Variants in SLC15A3 observed in about 807,000 individuals in gnomAD.
SLC15A3 encodes solute carrier family 15 member 3.
Under a neutral mutation model 49.2 loss-of-function variants are expected in SLC15A3, and 39 were observed. The observed-to-expected ratio is 0.79, with a 90% CI of 0.61 to 1.04. The LOEUF is 1.04. SLC15A3 is among the 50% of genes least tolerant of loss of function. The pLI, the probability that SLC15A3 is intolerant of heterozygous loss-of-function variation, is 0.00. For missense variants in SLC15A3, 758 were observed against 794.8 expected (o/e 0.95, Z 0.56); for synonymous variants, 339 against 367.0 (o/e 0.92, Z 0.87).
At chr11:60,944,666 C>T (rs538355160) in intron 2 of SLC15A3, among the ~76,000 whole-genome samples, 52 of 152,124 alleles carry the variant, frequency 3.4e-4, no homozygotes, top group Non-Finnish European at 4.7e-4. Context: ...CAGAGAGAGA[C>T]GCTGTCACAG....
intron 5 of SLC15A3, chr11:60,940,126 AC>A (rs1227885459): frequency 6.3e-6 from 1 of 159,772 alleles, no homozygotes; most frequent in Admixed American, 5.8e-5. Context: ...AGTGTTTCTA[AC>A]CTGGCTTTCA....
intron 5 of SLC15A3, chr11:60,940,845 AAAAAAG>A (rs1265679007): frequency 2.3e-5 from 7 of 303,650 alleles, no homozygotes; most frequent in African/African-American, 4.3e-5. Flanking sequence ...GCAGTGAATA[AAAAAAG>A]AAAAACTATC....
intron 1 of SLC15A3, 98 bp downstream of exon 1, chr11:60,950,896 A>G (rs929027009): frequency 8.1e-7 from 1 of 1,241,348 alleles, no homozygotes; most frequent in African/African-American, 1.6e-5. Context: ...AAACTAGTGC[A>G]GGCAGGGGAC....
chr11:60,949,564 G>GAAAGAAAGAAAGA (rs1554986438), intron 1 of SLC15A3, among the ~76,000 whole-genome samples: 2,169 of 117,898 alleles, frequency 0.018, 231 homozygotes, highest in East Asian at 0.073. Context: ...AAGAAAGAAA[G>GAAAGAAAGAAAGA]AAAGAAAAGA....
chr11:60,951,287 C>A lies in SLC15A3; in HGVS notation c.265G>T (p.Val89Leu). 6.6e-7 allele frequency: 1 copy of A among 1,519,326 alleles called. No individual in the cohort carries two copies. Among genetic ancestry groups the A allele is most frequent in the Non-Finnish European group, 8.8e-7 (1 of 1,135,872 alleles). 94.1% of individuals were successfully genotyped at this position (1,519,326 alleles called of 1,614,324 possible). A position where few individuals can be genotyped will look rare whatever the true frequency, so the allele number is the denominator to read the frequency against. ...FLGASYLLAP[V>L]GGWLADVYLG... Reference sequence around the variant, plus strand: ...TACACGTCGGCCAGCCAGCCGCCCACGGGCGCCAGCAGGTAGGAGGCGCCC... The same window carrying A: ...TACACGTCGGCCAGCCAGCCGCCCAAGGGCGCCAGCAGGTAGGAGGCGCCC... The change falls in exon 1 of 8, where the codon GTG (valine) becomes TTG (leucine). Residue 89 changes from valine (V) to leucine (L), a missense_variant. By Grantham distance (32) the Val-to-Leu change is conservative (BLOSUM62 1). This residue lies in a region of SLC15A3 where 699 missense variants were observed against 706.7 expected (regional missense o/e 0.99). Coordinates refer to ENST00000227880, the MANE Select transcript of SLC15A3 (RefSeq NM_016582.3).
intron 2 of SLC15A3, among the ~76,000 whole-genome samples, chr11:60,944,142 G>C (rs967280652): frequency 9.2e-5 from 14 of 152,184 alleles, no homozygotes; most frequent in Non-Finnish European, 2.1e-4. Context: ...CTGGGCAACA[G>C]AGCCAGACTC....
chr11:60,941,972 C>G, intron 4 of SLC15A3, 63 bp downstream of exon 4: 1 of 1,492,560 alleles, frequency 6.7e-7, no homozygotes, highest in African/African-American at 1.4e-5. Context: ...TCATTTCCTC[C>G]TCTTCTCAGA....
chr11:60,937,440 G>A lies in SLC15A3; in HGVS notation c.1592-67C>T, dbSNP rs565013074. ...CTCTGTCTTGCGCCCTGTGCCTGCC[G>A]TGTCCTAGCCCTGGGGCTGGCAACT... On this transcript the variant is annotated intron_variant, in intron 7 of 7. Transcript: ENST00000227880. 3.2e-4 allele frequency: 504 copies of A among 1,597,308 alleles called. 1 individual carries two copies. Among genetic ancestry groups the A allele is most frequent in the Non-Finnish European group, 3.9e-4 (452 of 1,168,490 alleles).
At chr11:60,939,783 G>A (rs1218715926) in intron 5 of SLC15A3, 145 bp from the exon 6 acceptor site, 2 of 914,542 alleles carry the variant, frequency 2.2e-6, no homozygotes, top group Admixed American at 2.9e-5. Context: ...TGGACTGGGG[G>A]GTGGAGGAGG....
intron 1 of SLC15A3, among the ~76,000 whole-genome samples, chr11:60,949,561 AAAG>A (rs1353137564): frequency 0.08 from 6,650 of 83,120 alleles, 475 homozygotes; most frequent in East Asian, 0.37. Context: ...AGAAAGAAAG[AAAG>A]AAAGAAAAGA....
intron 6 of SLC15A3, 136 bp downstream of exon 6, chr11:60,939,342 ATG>A (rs1856676544): frequency 9.8e-7 from 1 of 1,023,386 alleles, no homozygotes; most frequent in Non-Finnish European, 1.4e-6. Context: ...CGTTGGGTGA[ATG>A]AGCCCTGGTC....
At chr11:60,945,406 G>A (rs766817195) in intron 2 of SLC15A3, among the ~76,000 whole-genome samples, 29 of 152,162 alleles carry the variant, frequency 1.9e-4, no homozygotes, top group Admixed American at 2.6e-4. Flanking sequence ...AGAACGGCCC[G>A]ACTGAGCCCA....
At chr11:60,941,755 G>A in intron 4 of SLC15A3, 1 of 427,910 alleles carries the variant, frequency 2.3e-6, no homozygotes, top group South Asian at 2.6e-5. Context: ...AGGGACCTAA[G>A]TATGCTTGAT....
At chr11:60,946,501 G>C (rs935046549) in intron 2 of SLC15A3, 31 bp downstream of exon 2, 1 of 1,521,940 alleles carries the variant, frequency 6.6e-7, no homozygotes, top group Non-Finnish European at 8.8e-7. Flanking sequence ...TCCAGGCTTG[G>C]AGGCTCCCTG....
Position 60,937,920 on chromosome 11 carries a change from A to T in SLC15A3, c.1541T>A (p.Val514Glu), listed in dbSNP as rs960378657. 3.1e-6 allele frequency: 5 copies of T among 1,614,070 alleles called. No individual in the cohort carries two copies. Among genetic ancestry groups the T allele is most frequent in the African/African-American group, 2.7e-5 (2 of 74,954 alleles). The change falls in exon 7 of 8, where the codon GTG becomes GAG. Residue 514 changes from valine (V) to glutamate (E), a missense_variant. By Grantham distance (121) the Val-to-Glu change is moderately radical. Around this residue, in one of 3 missense-constraint regions of SLC15A3, gnomAD observed 699 missense variants for 706.7 expected, o/e 0.99. Coordinates refer to ENST00000227880, the MANE Select transcript of SLC15A3 (RefSeq NM_016582.3). ...GVGSLLGSSL[V>E]ALLSLPGGWL... ...GCCCCCGGGCAAGGACAGCAGTGCC[A>T]CTAGGCTGGAGCCCAACAGTGAGCC... is the stretch of plus-strand genomic sequence containing the variant.
Position 60,941,219 on chromosome 11 carries a change from C to T in SLC15A3, c.1179G>A (p.Leu393=), listed in dbSNP as rs750222824. The T allele has an allele frequency of 2.5e-6, 4 of 1,614,170 alleles. No homozygotes were observed. The highest frequency in any genetic ancestry group is 1.3e-5 in the African/African-American group (1 of 75,064). Residue 393 remains leucine (L), a synonymous_variant, in exon 5 of 8, where the codon TTG becomes TTA. Coordinates refer to ENST00000227880, the MANE Select transcript of SLC15A3 (RefSeq NM_016582.3). ...VLILVPLKDR[L]IDPLLLRCKL... is the part of the protein sequence containing the mutation. ...TGCACCGCAGCAGTAAAGGGTCGAT[C>T]AAGCGGTCCTTCAGAGGGACCAGAA...
At chr11:60,948,189 T>G (rs1230729480) in intron 1 of SLC15A3, among the ~76,000 whole-genome samples, 2 of 152,152 alleles carry the variant, frequency 1.3e-5, no homozygotes, top group African/African-American at 4.8e-5. Flanking sequence ...AAACCCGCAT[T>G]CCATTGGAGA....
At chr11:60,938,190 C>T (rs925802603) in intron 6 of SLC15A3, 165 bp from the exon 7 acceptor site, 11 of 815,184 alleles carry the variant, frequency 1.3e-5, no homozygotes, top group Admixed American at 6.0e-5. Context: ...GCATCAATGC[C>T]GCCTTCCCCT....
In SLC15A3 at chr11:60,937,203, C is replaced by T; in HGVS notation, c.*16G>A. On this transcript the variant is annotated 3_prime_UTR_variant, in exon 8 of 8. Transcript: ENST00000227880. ...TGTCCGGTAGAGTGAAGCAAGGGGG[C>T]TGGAATAGGGCCTGTTCAGCCCCTG... 1.9e-6 allele frequency: 3 copies of T among 1,607,322 alleles called. No homozygotes were observed. Among genetic ancestry groups the T allele is most frequent in the Non-Finnish European group, 1.7e-6 (2 of 1,174,896 alleles).
Sources: gnomAD v4.1 joint callset for allele counts (sites outside exome capture counted in the v4.1 genomes callset) on GRCh38, gnomAD v4.1.1 for gene constraint, gnomAD v4.1.1 regional missense constraint, MANE v1.5 for transcripts, NCBI Gene and HGNC (gene_info 2026-07-23, HGNC 2026-07-21) for gene names.